Variants in OPHN1 observed in about 807,000 individuals in gnomAD.
OPHN1 encodes oligophrenin-1.
A neutral mutation model predicts 60.7 loss-of-function variants in OPHN1; 11 were observed. That is an observed-to-expected ratio of 0.18 (90% CI 0.11 to 0.30). OPHN1 has a LOEUF of 0.30. Among genes scored for constraint, OPHN1 ranks in the 10% least tolerant of loss-of-function variants. The pLI, the probability that OPHN1 is intolerant of heterozygous loss-of-function variation, is 1.00. For synonymous variants in OPHN1, 226 were observed against 222.6 expected (o/e 1.02, Z -0.14); for missense variants, 449 against 611.0 (o/e 0.73, Z 2.80).
chrX:68,365,733 G>A (rs2078494861), intron 2 of OPHN1, among the ~76,000 whole-genome samples: 1 of 110,685 alleles, frequency 9.0e-6, no homozygotes, highest in Non-Finnish European at 1.9e-5. Context: ...AACACTGAGT[G>A]GAAATCTACC....
intron 2 of OPHN1, among the ~76,000 whole-genome samples, chrX:68,380,146 G>C (rs2078587524): frequency 9.0e-6 from 1 of 111,197 alleles, no homozygotes; most frequent in Admixed American, 9.6e-5. Flanking sequence ...CTTCTTCCTG[G>C]TTTAATCTTG....
intron 2 of OPHN1, among the ~76,000 whole-genome samples, chrX:68,420,794 G>C (rs1050139571): frequency 7.0e-5 from 7 of 100,074 alleles, no homozygotes; most frequent in Non-Finnish European, 1.4e-4. Flanking sequence ...AAGATGCATT[G>C]AAGAAAAAAC....
intron 15 of OPHN1, among the ~76,000 whole-genome samples, chrX:68,187,078 G>A (rs1325849925): frequency 8.9e-6 from 1 of 111,874 alleles, no homozygotes; most frequent in African/African-American, 3.2e-5. Context: ...CTGCCTAAAG[G>A]TCTTACCACA....
At chrX:68,073,852 C>A (rs186348194) in intron 19 of OPHN1, among the ~76,000 whole-genome samples, 8 of 112,371 alleles carry the variant, frequency 7.1e-5, no homozygotes, top group African/African-American at 2.3e-4. Flanking sequence ...ACAGGGAGAA[C>A]AACTGTGTTT....
Position 68,054,852 on chromosome X carries a change from G to A in OPHN1, c.2159-1042C>T, listed in dbSNP as rs73212827. 5.8e-3 allele frequency among the ~76,000 whole-genome samples: 646 copies of A among 111,754 alleles called. 3 individuals carry two copies. The highest frequency in any genetic ancestry group is 9.9e-3 in the Non-Finnish European group (526 of 53,140). ...TAGACATGTACATAACTATGCAAGG[G>A]TGTCAGTGGATCTTTATATTCATCC... On this transcript the variant is annotated intron_variant, in intron 21 of 24. Transcript: ENST00000355520.
chrX:68,302,950 A>G (rs1266212056), intron 2 of OPHN1, among the ~76,000 whole-genome samples: 1 of 111,070 alleles, frequency 9.0e-6, no homozygotes, highest in Non-Finnish European at 1.9e-5. Context: ...TAAAAAAGAA[A>G]GCAATCACAT....
At chrX:68,186,005 G>T (rs1234603634) in intron 15 of OPHN1, among the ~76,000 whole-genome samples, 1 of 111,509 alleles carries the variant, frequency 9.0e-6, no homozygotes, top group Admixed American at 9.5e-5. Context: ...TTTTCCAAGG[G>T]GAAGACTATG....
At chrX:68,286,557 C>T (rs1480037630) in intron 3 of OPHN1, among the ~76,000 whole-genome samples, 10 of 111,559 alleles carry the variant, frequency 9.0e-5, no homozygotes, top group Non-Finnish European at 1.1e-4. Context: ...GTGCATGACT[C>T]CTAGATTTCC....
At chrX:68,426,128 G>A (rs1422603259) in intron 2 of OPHN1, among the ~76,000 whole-genome samples, 2 of 109,446 alleles carry the variant, frequency 1.8e-5, no homozygotes, top group Non-Finnish European at 3.8e-5. Context: ...CACCAAGCCC[G>A]ACCCTGGATT....
At chrX:68,115,445 T>C (rs1232033331) in intron 16 of OPHN1, among the ~76,000 whole-genome samples, 3 of 112,023 alleles carry the variant, frequency 2.7e-5, no homozygotes, top group African/African-American at 9.7e-5. Flanking sequence ...AGAAAGCCCA[T>C]AAAGGAGATT....
intron 15 of OPHN1, chrX:68,133,260 C>A: frequency 3.1e-6 from 2 of 646,189 alleles, no homozygotes; most frequent in Non-Finnish European, 5.2e-6. Context: ...CCCACATTTA[C>A]CCTCTGACAA....
chrX:68,252,182 C>A (rs1333979391), intron 5 of OPHN1, among the ~76,000 whole-genome samples: 1 of 111,575 alleles, frequency 9.0e-6, no homozygotes, highest in East Asian at 2.8e-4. Flanking sequence ...GTGGCCTGAG[C>A]CAAGCCCCAT....
intron 5 of OPHN1, among the ~76,000 whole-genome samples, chrX:68,247,236 G>GTA (rs1351923746): frequency 9.0e-6 from 1 of 110,932 alleles, no homozygotes; most frequent in Non-Finnish European, 1.9e-5. Context: ...AGTCCTTCCT[G>GTA]TACTCTCTCT....
intron 2 of OPHN1, among the ~76,000 whole-genome samples, chrX:68,313,289 T>C (rs1454204044): frequency 1.8e-5 from 2 of 110,994 alleles, no homozygotes; most frequent in African/African-American, 6.6e-5. Flanking sequence ...AAAATTGAGC[T>C]GCCGTATGAT....
At chrX:68,332,173 T>C (rs1281280406) in intron 2 of OPHN1, among the ~76,000 whole-genome samples, 1 of 110,821 alleles carries the variant, frequency 9.0e-6, no homozygotes, top group East Asian at 2.8e-4. Context: ...GCATTAATAA[T>C]GATGATGATG....
intron 3 of OPHN1, among the ~76,000 whole-genome samples, chrX:68,287,620 A>C (rs1299499457): frequency 8.9e-6 from 1 of 111,849 alleles, no homozygotes; most frequent in African/African-American, 3.2e-5. Flanking sequence ...TTCTACCCTC[A>C]CCCATGGCTG....
At chrX:68,091,806 G>T (rs2077019504) in intron 19 of OPHN1, among the ~76,000 whole-genome samples, 1 of 111,094 alleles carries the variant, frequency 9.0e-6, no homozygotes, top group African/African-American at 3.3e-5. Context: ...TTACCTCTAT[G>T]CCTCAAGCCA....
intron 12 of OPHN1, among the ~76,000 whole-genome samples, chrX:68,195,575 GT>G (rs1391758736): frequency 6.2e-5 from 7 of 112,043 alleles, no homozygotes; most frequent in Non-Finnish European, 1.3e-4. Context: ...TTCTTTGACA[GT>G]TTAGGCAAAG....
chrX:68,317,398 A>AGGAG (rs2078208522), intron 2 of OPHN1, among the ~76,000 whole-genome samples: 2 of 92,970 alleles, frequency 2.2e-5, no homozygotes, highest in African/African-American at 8.1e-5. Flanking sequence ...GAAGGAAGGA[A>AGGAG]GGAAGGAAGG....
Sources: allele counts gnomAD v4.1 joint callset (sites outside exome capture counted in the v4.1 genomes callset), GRCh38; gene constraint gnomAD v4.1.1; transcripts MANE v1.5; gene names NCBI Gene and HGNC (gene_info 2026-07-23, HGNC 2026-07-21).